TMEM108: variants seen among roughly 807,000 people sequenced by gnomAD.
TMEM108 encodes transmembrane protein 108.
TMEM108 carries 12 observed loss-of-function variants against 35.1 expected under a neutral mutation model. The ratio of observed to expected loss-of-function variants is 0.34; its 90% confidence interval spans 0.22 to 0.55. The LOEUF (loss-of-function observed/expected upper bound fraction) is 0.55, where lower values mean the gene tolerates loss of function less well. TMEM108 is among the 20% of genes least tolerant of loss of function. The probability of loss-of-function intolerance (pLI) is 0.89; values close to 1 mark genes in which losing one functional copy is unlikely to be tolerated. For missense variants in TMEM108, 680 were observed against 753.3 expected, an observed-to-expected ratio of 0.90 and a Z score of 1.14; for synonymous variants, 287 against 308.6, an observed-to-expected ratio of 0.93 and a Z score of 0.73.
chr3:133,390,236 A>G lies in TMEM108; in HGVS notation c.1507A>G (p.Asn503Asp), dbSNP rs144691057. ...GAAGAAGAAGACCGCCAACCCGGAGAACAACCTGAGCTACTGGAACAACAC... is the reference window on the plus strand; with the variant it reads ...GAAGAAGAAGACCGCCAACCCGGAGGACAACCTGAGCTACTGGAACAACAC... ...KRKKKTANPE[N>D]NLSYWNNTIT... is the part of the protein sequence containing the mutation. Residue 503 changes from asparagine to aspartate, a missense_variant, in exon 5 of 6, where the codon AAC becomes GAC. Asn to Asp is a conservative substitution (Grantham distance 23). This residue lies in a region of TMEM108 where 105 missense variants were observed against 150.7 expected (regional missense o/e 0.70). Coordinates refer to ENST00000321871, the MANE Select transcript of TMEM108 (RefSeq NM_023943.4). 8.7e-6 allele frequency: 14 copies of G among 1,614,142 alleles called. No homozygotes were observed. In the African/African-American group the frequency reaches 1.5e-4, roughly 17 times the overall value.
intron 2 of TMEM108, among the ~76,000 whole-genome samples, chr3:133,131,547 T>A (rs887000469): frequency 6.7e-6 from 1 of 150,342 alleles, no homozygotes; most frequent in Non-Finnish European, 1.5e-5. Flanking sequence ...CATGCCCATA[T>A]AAGACAGCAA....
At position 133,038,418 on chromosome 3, in the gene TMEM108, C is replaced by G. The variant is rs1051030648; in HGVS notation, c.-183C>G. 1.3e-5 allele frequency: 2 copies of G among 152,334 alleles called. No homozygotes were observed. Among genetic ancestry groups the G allele is most frequent in the Admixed American group, 6.5e-5 (1 of 15,292 alleles). 9.4% of individuals were successfully genotyped at this position (152,334 alleles called of 1,614,324 possible). ...TTTCTCCTGAGCCGTCGGAGGGAGC[C>G]GGAGCGCTTCTCCCGAGGTAAGCGG... On this transcript the variant is annotated 5_prime_UTR_variant, in exon 1 of 6. Transcript: ENST00000321871.
intron 2 of TMEM108, among the ~76,000 whole-genome samples, chr3:133,115,437 C>A (rs181758006): frequency 5.8e-4 from 89 of 152,292 alleles, no homozygotes; most frequent in Non-Finnish European, 1.1e-3. Context: ...AAAATGCCAT[C>A]ATTATTTACC....
At chr3:133,366,421 G>A (rs1034089169) in intron 3 of TMEM108, among the ~76,000 whole-genome samples, 2 of 152,232 alleles carry the variant, frequency 1.3e-5, no homozygotes, top group Non-Finnish European at 2.9e-5. Flanking sequence ...AAATGGTGGA[G>A]TGGTGATAAG....
intron 3 of TMEM108, among the ~76,000 whole-genome samples, chr3:133,368,771 G>A (rs1322838067): frequency 6.6e-6 from 1 of 152,130 alleles, no homozygotes; most frequent in African/African-American, 2.4e-5. Context: ...TCAAATGTGT[G>A]GAATTATTCT....
intron 3 of TMEM108, among the ~76,000 whole-genome samples, chr3:133,336,650 G>A (rs183509030): frequency 3.3e-5 from 5 of 151,876 alleles, no homozygotes; most frequent in African/African-American, 1.2e-4. Flanking sequence ...GACTACTTCT[G>A]CTTGAGAAAA....
At chr3:133,175,695 C>G (rs945151900) in intron 2 of TMEM108, among the ~76,000 whole-genome samples, 2 of 152,218 alleles carry the variant, frequency 1.3e-5, no homozygotes, top group African/African-American at 4.8e-5. Context: ...AAAGGAGCAA[C>G]TGGTACCAGC....
At chr3:133,326,528 TG>T (rs1180810584) in intron 3 of TMEM108, among the ~76,000 whole-genome samples, 3 of 152,174 alleles carry the variant, frequency 2.0e-5, no homozygotes, top group Non-Finnish European at 4.4e-5. Context: ...GATGATCAAA[TG>T]GAATAGTATA....
In TMEM108 at chr3:133,120,347, A is replaced by G. The variant is rs554215430; in HGVS notation, c.-47+74327A>G. On this transcript the variant is annotated intron_variant, in intron 2 of 5. Coordinates refer to ENST00000321871, the MANE Select transcript of TMEM108 (RefSeq NM_023943.4). Reference sequence around the variant, plus strand: ...TCAAATATTTTGAGGGACAACTACTATGGATCAGCCAGACCTAGAGGTCAG... The same window carrying G: ...TCAAATATTTTGAGGGACAACTACTGTGGATCAGCCAGACCTAGAGGTCAG... 1.1e-4 allele frequency among the ~76,000 whole-genome samples: 17 copies of G among 152,296 alleles called. No individual in the cohort carries two copies. The South Asian group carries it at 3.5e-3, about 32-fold the overall frequency.
At chr3:133,044,616 G>A (rs577411797) in intron 1 of TMEM108, among the ~76,000 whole-genome samples, 36 of 152,232 alleles carry the variant, frequency 2.4e-4, no homozygotes, top group African/African-American at 7.5e-4. Context: ...TAACAAACCC[G>A]AACCTGCATT....
At chr3:133,108,688 G>A (rs1559834869) in intron 2 of TMEM108, among the ~76,000 whole-genome samples, 1 of 151,834 alleles carries the variant, frequency 6.6e-6, no homozygotes, top group Non-Finnish European at 1.5e-5. Context: ...TCCTTTGTAG[G>A]GACATGGATG....
chr3:133,190,916 G>C (rs1166775107), intron 2 of TMEM108, among the ~76,000 whole-genome samples: 1 of 151,944 alleles, frequency 6.6e-6, no homozygotes, highest in African/African-American at 2.4e-5. Context: ...TAAACTAATA[G>C]TTCAAGATAT....
chr3:133,302,773 C>G (rs1034893125), intron 3 of TMEM108, among the ~76,000 whole-genome samples: 1 of 152,080 alleles, frequency 6.6e-6, no homozygotes, highest in Non-Finnish European at 1.5e-5. Flanking sequence ...AGTATTTTTA[C>G]TCGAATTGTT....
chr3:133,254,856 C>T (rs1167281882), intron 3 of TMEM108, among the ~76,000 whole-genome samples: 1 of 152,114 alleles, frequency 6.6e-6, no homozygotes, highest in Admixed American at 6.5e-5. Context: ...GCTAGATGGC[C>T]TGAAGGCTGA....
At chr3:133,231,081 C>T (rs1946146421) in intron 3 of TMEM108, among the ~76,000 whole-genome samples, 1 of 152,120 alleles carries the variant, frequency 6.6e-6, no homozygotes, top group Admixed American at 6.6e-5. Context: ...ACTGGTCAGC[C>T]AGTTATTAAG....
chr3:133,353,944 T>C (rs2072083888), intron 3 of TMEM108, among the ~76,000 whole-genome samples: 1 of 152,172 alleles, frequency 6.6e-6, no homozygotes, highest in Non-Finnish European at 1.5e-5. Flanking sequence ...TGGAGAAGCA[T>C]TAGTTTGCTT....
At chr3:133,061,835 T>C (rs1386667548) in intron 2 of TMEM108, among the ~76,000 whole-genome samples, 3 of 152,210 alleles carry the variant, frequency 2.0e-5, no homozygotes, top group Admixed American at 6.5e-5. Context: ...TGGATTCAGA[T>C]TTATCACTTT....
chr3:133,062,526 T>A (rs1329780949), intron 2 of TMEM108, among the ~76,000 whole-genome samples: 1 of 152,238 alleles, frequency 6.6e-6, no homozygotes, highest in East Asian at 1.9e-4. Flanking sequence ...CATAAGAATT[T>A]GTGCTAAGAG....
chr3:133,137,327 C>A (rs926328651), intron 2 of TMEM108, among the ~76,000 whole-genome samples: 15 of 152,324 alleles, frequency 9.8e-5, no homozygotes, highest in African/African-American at 3.4e-4. Flanking sequence ...AAAATCTATA[C>A]CACGCTGCCG....
Sources: allele counts gnomAD v4.1 joint callset (sites outside exome capture counted in the v4.1 genomes callset), GRCh38; gene constraint gnomAD v4.1.1; regional missense constraint gnomAD v4.1.1; transcripts MANE v1.5; gene names NCBI Gene and HGNC (gene_info 2026-07-23, HGNC 2026-07-21).